Variants in ATXN7 observed in about 807,000 individuals in gnomAD.
The protein encoded by ATXN7 is ataxin 7, also known as ataxin-7.
A neutral mutation model predicts 70.5 loss-of-function variants in ATXN7; 12 were observed. The ratio of observed to expected loss-of-function variants is 0.17; its 90% CI spans 0.11 to 0.28. The LOEUF is 0.28. Among genes scored for constraint, ATXN7 ranks in the 10% least tolerant of loss-of-function variants. The pLI, the probability that ATXN7 is intolerant of heterozygous loss-of-function variation, is 1.00. For synonymous variants in ATXN7, 498 were observed against 448.7 expected (o/e 1.11, Z -1.39); for missense variants, 1,256 against 1,131.7 (o/e 1.11, Z -1.58).
chr3:63,986,242 G>A (rs1009137013), intron 8 of ATXN7, among the ~76,000 whole-genome samples: 2 of 152,226 alleles, frequency 1.3e-5, no homozygotes, highest in Admixed American at 6.5e-5. Flanking sequence ...GGAGCAGGGA[G>A]CAGTAAGCAA....
intron 5 of ATXN7, among the ~76,000 whole-genome samples, chr3:63,974,924 G>A (rs1206016492): frequency 2.0e-5 from 3 of 152,248 alleles, no homozygotes; most frequent in Admixed American, 6.5e-5. Flanking sequence ...AGCATCAGAT[G>A]TGTTTGGGTG....
In ATXN7 at chr3:63,889,135, G is replaced by T. The variant is rs890176876; in HGVS notation, c.-110-9264G>T. Among the ~76,000 whole-genome samples the T allele has an allele frequency of 5.9e-5, 9 of 152,102 alleles. No homozygotes were observed. The East Asian group carries it at 7.7e-4, about 13-fold the overall frequency. On this transcript the variant is annotated intron_variant, in intron 1 of 12. Coordinates refer to ENST00000674280, the MANE Select transcript of ATXN7 (RefSeq NM_001377405.1). The stretch of plus-strand genomic sequence containing the variant: ...AGCAGCTAAAGTCGAATATGCCGAC[G>T]TAATAGCTGATTATAGCATTAACCT...
rs542444709 is a variant in ATXN7 at position 63,971,335 on chromosome 3, C to A, written c.500-8580C>A. Among the ~76,000 whole-genome samples, 5 of 152,242 alleles carry A rather than the reference C, an allele frequency of 3.3e-5. No individual in the cohort carries two copies. In the South Asian group the frequency reaches 8.3e-4, roughly 25 times the overall value. Reference sequence around the variant, plus strand: ...AGATTTGAATGTTCCAGGGACAGTCCCACCGACTTGCTTCCTTTTAAGCAA... The same window carrying A: ...AGATTTGAATGTTCCAGGGACAGTCACACCGACTTGCTTCCTTTTAAGCAA... On this transcript the variant is annotated intron_variant, in intron 5 of 12. Transcript: ENST00000674280.
chr3:63,944,332 A>G (rs1194402688), intron 4 of ATXN7, among the ~76,000 whole-genome samples: 2 of 152,216 alleles, frequency 1.3e-5, no homozygotes, highest in African/African-American at 4.8e-5. Flanking sequence ...TAAAATAATA[A>G]TAATTATAAC....
At chr3:63,968,899 A>G (rs1312965686) in intron 5 of ATXN7, among the ~76,000 whole-genome samples, 1 of 152,208 alleles carries the variant, frequency 6.6e-6, no homozygotes, top group Non-Finnish European at 1.5e-5. Context: ...TGAGGTTGAA[A>G]TTGAGCTCCC....
chr3:63,997,452 G>A (rs1394475107), intron 12 of ATXN7, among the ~76,000 whole-genome samples: 2 of 152,136 alleles, frequency 1.3e-5, no homozygotes, highest in Non-Finnish European at 2.9e-5. Context: ...GTAGAGAAGT[G>A]GCTAAGTGGT....
intron 4 of ATXN7, among the ~76,000 whole-genome samples, chr3:63,929,955 C>CT (rs1402736767): frequency 6.6e-6 from 1 of 152,144 alleles, no homozygotes; most frequent in Non-Finnish European, 1.5e-5. Context: ...AGTGAGCTGA[C>CT]TGACAAGTAG....
chr3:63,996,571 T>G, intron 12 of ATXN7, 88 bp downstream of exon 12: 13 of 1,430,966 alleles, frequency 9.1e-6, no homozygotes, highest in South Asian at 2.7e-5. Flanking sequence ...TTGGTTGGGT[T>G]GGTTGGTTGG....
chr3:63,925,299 A>G (rs1490938668), intron 4 of ATXN7, among the ~76,000 whole-genome samples: 1 of 152,156 alleles, frequency 6.6e-6, no homozygotes, highest in African/African-American at 2.4e-5. Flanking sequence ...CATCCTTTGT[A>G]GTAGGGATCC....
chr3:63,880,212 A>G (rs1702871023), intron 1 of ATXN7, among the ~76,000 whole-genome samples: 1 of 152,188 alleles, frequency 6.6e-6, no homozygotes, highest in Non-Finnish European at 1.5e-5. Context: ...TGAATGGTGA[A>G]AAGAGGTCCA....
At chr3:63,997,281 C>T (rs73834166) in intron 12 of ATXN7, among the ~76,000 whole-genome samples, 110 of 152,254 alleles carry the variant, frequency 7.2e-4, no homozygotes, top group African/African-American at 2.5e-3. Flanking sequence ...TTATTTTTCC[C>T]TCTCAAAAGA....
rs577490682 is a variant in ATXN7, at chr3:63,875,433, G to A, written c.-111+11275G>A. Among the ~76,000 whole-genome samples the A allele has an allele frequency of 3.9e-5, 6 of 152,164 alleles. No homozygotes were observed. In the East Asian group the frequency reaches 7.7e-4, roughly 20 times the overall value. ...GAATTTGGGAGGACATAAACATTCC[G>A]ACCATGACAGTGTGTAATGGTGGTG... On this transcript the variant is annotated intron_variant, in intron 1 of 12. Coordinates refer to ENST00000674280, the MANE Select transcript of ATXN7 (RefSeq NM_001377405.1).
intron 5 of ATXN7, among the ~76,000 whole-genome samples, chr3:63,956,723 A>G (rs2075044846): frequency 6.6e-6 from 1 of 152,172 alleles, no homozygotes; most frequent in Non-Finnish European, 1.5e-5. Flanking sequence ...GCTGCTTGGT[A>G]CATACAGTGG....
intron 1 of ATXN7, among the ~76,000 whole-genome samples, chr3:63,880,080 C>T (rs781571575): frequency 1.5e-4 from 22 of 151,050 alleles, no homozygotes; most frequent in African/African-American, 4.1e-4. Context: ...AGCAAGACTC[C>T]GTATCAAAAA....
At position 63,999,900 on chromosome 3, in the gene ATXN7, T is replaced by A; in HGVS notation, c.*433T>A. ...CTACCATTTTTTTTTAACACTGTCATCTGTAGGTCACTCTCCAGCAGTTAG... is the reference window on the plus strand; with the variant it reads ...CTACCATTTTTTTTTAACACTGTCAACTGTAGGTCACTCTCCAGCAGTTAG... On this transcript the variant is annotated 3_prime_UTR_variant, in exon 13 of 13. Transcript: ENST00000674280. 1 of 236,046 alleles carries A rather than the reference T, an allele frequency of 4.2e-6. No individual in the cohort carries two copies. Among genetic ancestry groups the A allele is most frequent in the Non-Finnish European group, 8.5e-6 (1 of 117,890 alleles). The allele number at this position is 236,046 out of a possible 1,614,324, so 14.6% of individuals were successfully genotyped here. A position where few individuals can be genotyped will look rare whatever the true frequency, so the allele number is the denominator to read the frequency against.
chr3:63,990,609 T>G, intron 10 of ATXN7, 129 bp from the exon 11 acceptor site: 2 of 1,447,564 alleles, frequency 1.4e-6, no homozygotes, highest in Non-Finnish European at 9.6e-7. Flanking sequence ...ACTCTCATGC[T>G]TCACAGCCTC....
intron 12 of ATXN7, among the ~76,000 whole-genome samples, chr3:63,996,842 G>A (rs1576007723): frequency 6.6e-6 from 1 of 152,304 alleles, no homozygotes; most frequent in East Asian, 1.9e-4. Context: ...GCTGTGAAGT[G>A]TGTGCCATTC....
At chr3:63,867,608 C>T (rs1045918309) in intron 1 of ATXN7, among the ~76,000 whole-genome samples, 1 of 152,106 alleles carries the variant, frequency 6.6e-6, no homozygotes, top group South Asian at 2.1e-4. Flanking sequence ...GCCTGTAATC[C>T]CAGCACTTTG....
rs543471834 is a variant in ATXN7 at position 63,963,897 on chromosome 3, A to ACTAGTTATTT, written c.499+11415_499+11424dup. 3.1e-4 allele frequency among the ~76,000 whole-genome samples: 47 copies of ACTAGTTATTT among 152,252 alleles called. No homozygotes were observed. In the South Asian group the frequency reaches 9.8e-3, roughly 32 times the overall value. ...GGAAGGGATTCCTGGGTCACAAAAG[A>ACTAGTTATTT]CTAGTTATTTGCAGTGTTAATAGCT... On this transcript the variant is annotated intron_variant, in intron 5 of 12. Transcript: ENST00000674280.
Sources: gnomAD v4.1 joint callset for allele counts (sites outside exome capture counted in the v4.1 genomes callset) on GRCh38, gnomAD v4.1.1 for gene constraint, MANE v1.5 for transcripts, NCBI Gene and HGNC (gene_info 2026-07-23, HGNC 2026-07-21) for gene names.